FAM20C: variants seen among roughly 807,000 people sequenced by gnomAD.
FAM20C encodes extracellular serine/threonine protein kinase FAM20C.
A neutral mutation model predicts 51.5 loss-of-function variants in FAM20C; 40 were observed. The observed-to-expected ratio is 0.78, with a 90% confidence interval of 0.60 to 1.01. The LOEUF (loss-of-function observed/expected upper bound fraction) is 1.01. FAM20C is among the 50% of genes least tolerant of loss of function. The pLI, the probability that FAM20C is intolerant of heterozygous loss-of-function variation, is 0.00. For missense variants in FAM20C, 861 were observed against 844.7 expected (o/e 1.02, Z -0.24); for synonymous variants, 406 against 380.6 (o/e 1.07, Z -0.78).
intron 1 of FAM20C, among the ~76,000 whole-genome samples, chr7:195,046 G>A (rs1320188418): frequency 6.6e-6 from 1 of 152,196 alleles, no homozygotes; most frequent in African/African-American, 2.4e-5. Context: ...ATCAAATTTA[G>A]CCTCTTGCAT....
intron 3 of FAM20C, among the ~76,000 whole-genome samples, chr7:230,271 C>T (rs1787607199): frequency 6.7e-6 from 1 of 150,088 alleles, no homozygotes; most frequent in South Asian, 2.1e-4. Flanking sequence ...TCCTGGAGCC[C>T]CCAGAGCTGG....
At chr7:225,982 G>T in intron 3 of FAM20C, among the ~76,000 whole-genome samples, 1 of 150,446 alleles carries the variant, frequency 6.6e-6, no homozygotes, top group African/African-American at 2.4e-5. Context: ...TCATGGGGTC[G>T]CACGGCGGCT....
rs1350535298 is a variant in FAM20C at position 248,551 on chromosome 7, C to T, written c.1072+121C>T. 21 of 627,370 alleles carry T rather than the reference C, an allele frequency of 3.3e-5. 1 individual carries two copies. The highest frequency in any genetic ancestry group is 2.1e-4 in the African/African-American group (11 of 51,784). The allele number at this position is 627,370 out of a possible 1,614,324, so 38.9% of individuals were successfully genotyped here. A position where few individuals can be genotyped will look rare whatever the true frequency, so the allele number is the denominator to read the frequency against. On this transcript the variant is annotated intron_variant, in intron 5 of 9. Coordinates refer to ENST00000313766, the MANE Select transcript of FAM20C (RefSeq NM_020223.4). ...ATTCATCTCGCCAGGTAGCCTGGCA[C>T]GGGGGCCCACATTCACCTCTCCAGG...
At chr7:211,336 C>G (rs543082531) in intron 3 of FAM20C, among the ~76,000 whole-genome samples, 4 of 150,250 alleles carry the variant, frequency 2.7e-5, no homozygotes, top group African/African-American at 4.9e-5. Context: ...CACAACCTCC[C>G]GAAACCTCCC....
At chr7:257,201 G>C in intron 8 of FAM20C, 115 bp downstream of exon 8, 1 of 1,061,366 alleles carries the variant, frequency 9.4e-7, no homozygotes, top group East Asian at 2.6e-5. Flanking sequence ...GGAGGGATGG[G>C]AATGTCGCAA....
At chr7:215,204 A>G (rs963599094) in intron 3 of FAM20C, among the ~76,000 whole-genome samples, 2 of 140,830 alleles carry the variant, frequency 1.4e-5, no homozygotes, top group African/African-American at 5.2e-5. Context: ...TGAGCACCGT[A>G]CCACAGAGTT....
rs1257724625 is a variant in FAM20C, at chr7:213,188, A to AGGG, written c.863+4212_863+4213insGGG. Among the ~76,000 whole-genome samples the AGGG allele has an allele frequency of 5.0e-4, 66 of 131,522 alleles. 2 individuals carry two copies. In the East Asian group the frequency reaches 6.8e-3, roughly 14 times the overall value. 86.3% of individuals were successfully genotyped at this position (131,522 alleles called of 152,430 possible). A position where few individuals can be genotyped will look rare whatever the true frequency, so the allele number is the denominator to read the frequency against. On this transcript the variant is annotated intron_variant, in intron 3 of 9. Coordinates refer to ENST00000313766, the MANE Select transcript of FAM20C (RefSeq NM_020223.4). The stretch of plus-strand genomic sequence containing the variant: ...GTGTGGTCCTTTGTGAGTGACATGG[A>AGGG]CGGCTGTGGAGTTGTGCAGTGTGTA...
At chr7:257,824 C>G in intron 8 of FAM20C, among the ~76,000 whole-genome samples, 1 of 114,950 alleles carries the variant, frequency 8.7e-6, no homozygotes, top group African/African-American at 3.8e-5. Context: ...GCCCGGGGTG[C>G]TGGAGATGGG....
chr7:235,556 A>T (rs1162418742), intron 3 of FAM20C, among the ~76,000 whole-genome samples: 1 of 152,226 alleles, frequency 6.6e-6, no homozygotes, highest in Non-Finnish European at 1.5e-5. Context: ...TTATCGTCAC[A>T]TAAAAAGCAA....
chr7:204,353 A>C (rs542322532), intron 2 of FAM20C, among the ~76,000 whole-genome samples: 5 of 152,318 alleles, frequency 3.3e-5, no homozygotes, highest in Admixed American at 2.0e-4. Context: ...TGCTTCCTTC[A>C]CCTGAGGAGG....
intron 3 of FAM20C, among the ~76,000 whole-genome samples, chr7:223,959 C>G (rs1787350730): frequency 6.6e-6 from 1 of 152,272 alleles, no homozygotes; most frequent in South Asian, 2.1e-4. Context: ...GCCCGGCCCT[C>G]CACCCCAGGA....
At position 195,484 on chromosome 7, in the gene FAM20C, C is replaced by T. The variant is rs1785815550; in HGVS notation, c.606-70C>T. The T allele has an allele frequency of 3.0e-6, 4 of 1,339,122 alleles. No homozygotes were observed. In the African/African-American group the frequency reaches 4.5e-5, roughly 15 times the overall value. 83.0% of individuals were successfully genotyped at this position (1,339,122 alleles called of 1,614,324 possible). On this transcript the variant is annotated intron_variant, in intron 1 of 9. Transcript: ENST00000313766. ...AAGTTAAAAACACTGGCGTCGGTGCCCTCTCCCCGTCATCCGACTCACGGG... is the reference window on the plus strand; with the variant it reads ...AAGTTAAAAACACTGGCGTCGGTGCTCTCTCCCCGTCATCCGACTCACGGG...
chr7:234,766 G>A (rs1322760716), intron 3 of FAM20C, among the ~76,000 whole-genome samples: 4 of 152,178 alleles, frequency 2.6e-5, no homozygotes, highest in African/African-American at 7.2e-5. Flanking sequence ...GCAGAGTCAC[G>A]TGGAAGGTTT....
At chr7:251,873 C>T (rs1471016722) in intron 5 of FAM20C, among the ~76,000 whole-genome samples, 1 of 152,188 alleles carries the variant, frequency 6.6e-6, no homozygotes, top group Non-Finnish European at 1.5e-5. Flanking sequence ...ATGTCCCTGC[C>T]TGGACAGACG....
At chr7:258,395 C>T (rs1438615105) in intron 8 of FAM20C, among the ~76,000 whole-genome samples, 46 of 68,770 alleles carry the variant, frequency 6.7e-4, no homozygotes, top group African/African-American at 1.7e-3. Context: ...ACCCACTGCC[C>T]GGGATGCTGG....
At chr7:229,010 C>G (rs1017601063) in intron 3 of FAM20C, 15 of 361,002 alleles carry the variant, frequency 4.2e-5, no homozygotes, top group South Asian at 2.0e-5. Context: ...CGGGCCACAC[C>G]CTGCCCCACC....
At chr7:236,713 G>A (rs1261937449) in intron 3 of FAM20C, among the ~76,000 whole-genome samples, 1 of 151,552 alleles carries the variant, frequency 6.6e-6, no homozygotes, top group Non-Finnish European at 1.5e-5. Context: ...TTCATGCGGA[G>A]GTGAGGCGGG....
intron 2 of FAM20C, among the ~76,000 whole-genome samples, chr7:204,140 A>G (rs752114252): frequency 1.3e-5 from 2 of 151,642 alleles, no homozygotes; most frequent in Non-Finnish European, 2.9e-5. Context: ...TGTATTCAGA[A>G]GAAAATGGTT....
chr7:253,535 C>T (rs989737071), intron 5 of FAM20C, among the ~76,000 whole-genome samples: 4 of 139,460 alleles, frequency 2.9e-5, no homozygotes, highest in Non-Finnish European at 4.9e-5. Context: ...GACTCACGCT[C>T]CTTCCTCCCA....
Sources: gnomAD v4.1 joint callset for allele counts (sites outside exome capture counted in the v4.1 genomes callset) on GRCh38, gnomAD v4.1.1 for gene constraint, MANE v1.5 for transcripts, NCBI Gene and HGNC (gene_info 2026-07-23, HGNC 2026-07-21) for gene names.